The following VPS29 variants were observed in gnomAD, a reference collection of about 807,000 sequenced individuals.
The protein encoded by VPS29 is VPS29 retromer complex component, also known as vacuolar protein sorting-associated protein 29.
Under a neutral mutation model 20.0 loss-of-function variants are expected in VPS29, and 2 were observed. The ratio of observed to expected loss-of-function variants is 0.10; its 90% CI spans 0.04 to 0.31. The LOEUF (loss-of-function observed/expected upper bound fraction) is 0.31, where lower values mean the gene tolerates loss of function less well. Among genes scored for constraint, VPS29 ranks in the 10% least tolerant of loss-of-function variants. The pLI, the probability that VPS29 is intolerant of heterozygous loss-of-function variation, is 1.00. For synonymous variants in VPS29, 81 were observed against 79.3 expected (o/e 1.02, Z -0.12); for missense variants, 120 against 215.3 (o/e 0.56, Z 2.77).
intron 1 of VPS29, chr12:110,497,112 G>A (rs974613207): frequency 2.0e-5 from 3 of 150,934 alleles, no homozygotes; most frequent in African/African-American, 4.9e-5. Flanking sequence ...GTTTAGAGCT[G>A]CAACATAGTC....
intron 2 of VPS29, among the ~76,000 whole-genome samples, chr12:110,495,203 A>C (rs1210455389): frequency 6.6e-6 from 1 of 152,204 alleles, no homozygotes; most frequent in African/African-American, 2.4e-5. Flanking sequence ...CATGCCCTAT[A>C]AAGTCAGCCT....
intron 2 of VPS29, among the ~76,000 whole-genome samples, chr12:110,494,322 G>A (rs1369562473): frequency 3.5e-5 from 5 of 144,908 alleles, no homozygotes; most frequent in Non-Finnish European, 6.0e-5. Context: ...GCGCGATCTC[G>A]GCTCACTGCA....
intron 1 of VPS29, 21 bp downstream of exon 1, chr12:110,502,028 C>G: frequency 6.2e-7 from 1 of 1,613,152 alleles, no homozygotes; most frequent in African/African-American, 1.3e-5. Flanking sequence ...AGGCCTTGGT[C>G]GCCGCAACTG....
rs371686077 is a variant in VPS29 at position 110,493,088 on chromosome 12, C to T, written c.339G>A (p.Ser113=). ...ATGCTTCAAATTTGTGTGTGTGTCC[C>T]GAGATAAGAATGTCCACATCAAATT... ...QRQFDVDILI[S]GHTHKFEAFE... Residue 113 remains serine, a synonymous_variant, in exon 3 of 4, where the codon TCG becomes TCA. Transcript: ENST00000549578. 6.2e-5 allele frequency: 100 copies of T among 1,613,836 alleles called. No homozygotes were observed. Among genetic ancestry groups the T allele is most frequent in the African/African-American group, 2.4e-4 (18 of 74,868 alleles).
intron 3 of VPS29, chr12:110,492,778 C>T (rs2062838809): frequency 6.7e-6 from 3 of 450,020 alleles, no homozygotes; most frequent in South Asian, 2.8e-5. Flanking sequence ...TGCACCACCA[C>T]ACCCAGCTAA....
intron 1 of VPS29, among the ~76,000 whole-genome samples, chr12:110,498,618 T>G (rs1348791699): frequency 6.6e-6 from 1 of 152,218 alleles, no homozygotes; most frequent in African/African-American, 2.4e-5. Flanking sequence ...TAGTTTGTAA[T>G]CTCAAAGTAA....
chr12:110,495,431 CTGAG>C (rs1158452559), intron 2 of VPS29, among the ~76,000 whole-genome samples: 1 of 152,124 alleles, frequency 6.6e-6, no homozygotes, highest in Non-Finnish European at 1.5e-5. Flanking sequence ...ATAAACTTGG[CTGAG>C]TGTGGTGGCT....
intron 1 of VPS29, among the ~76,000 whole-genome samples, chr12:110,498,640 G>A (rs1260151111): frequency 6.6e-6 from 1 of 152,216 alleles, no homozygotes; most frequent in Non-Finnish European, 1.5e-5. Flanking sequence ...ACAAGGTTAT[G>A]AAATTAGCAC....
At chr12:110,500,228 T>A (rs1157115983) in intron 1 of VPS29, among the ~76,000 whole-genome samples, 3 of 152,220 alleles carry the variant, frequency 2.0e-5, no homozygotes, top group Non-Finnish European at 1.5e-5. Context: ...CTCTGGACAC[T>A]GTACTGAGTG....
rs2062824997 is a variant in VPS29 at position 110,492,072 on chromosome 12, A to C, written c.482T>G (p.Val161Gly). 6.2e-7 allele frequency: 1 copy of C among 1,613,780 alleles called. No homozygotes were observed. The highest frequency in any genetic ancestry group is 8.5e-7 in the Non-Finnish European group (1 of 1,179,998). The stretch of plus-strand genomic sequence containing the variant: ...TCCAATTAGCTGATACACATAGGTG[A>C]CCACTGTAGAAGCCTGGATATCCAT... Reference protein sequence around the residue: ...VLMDIQASTVVTYVYQLIGDD... With the variant: ...VLMDIQASTVGTYVYQLIGDD... The change falls in exon 4 of 4, where the codon GTC (valine) becomes GGC (glycine). Residue 161 changes from valine to glycine, a missense_variant. By Grantham distance (109) the Val-to-Gly change is moderately radical. Coordinates refer to ENST00000549578, the MANE Select transcript of VPS29 (RefSeq NM_016226.5).
intron 1 of VPS29, chr12:110,501,453 TC>T: frequency 6.5e-7 from 1 of 1,535,418 alleles, no homozygotes. Flanking sequence ...AAGAAACAGT[TC>T]CAGCAATTGC....
Position 110,493,145 on chromosome 12 carries a change from T to G in VPS29, c.282A>C (p.Gly94=). 1 of 1,613,352 alleles carries G rather than the reference T, an allele frequency of 6.2e-7. No homozygotes were observed. Among genetic ancestry groups the G allele is most frequent in the South Asian group, 1.1e-5 (1 of 90,886 alleles). Residue 94 remains glycine, a synonymous_variant, in exon 3 of 4, where the codon GGA becomes GGC. Coordinates refer to ENST00000549578, the MANE Select transcript of VPS29 (RefSeq NM_016226.5). ...LIHGHQVIPW[G]DMASLALLQR... ...GCAACAGGGCTAAGCTGGCCATATC[T>G]CCCCATGGAATAACTTGATGTCCAT...
chr12:110,501,926 TG>T (rs766059724), intron 1 of VPS29, 122 bp downstream of exon 1: 2 of 1,596,908 alleles, frequency 1.3e-6, no homozygotes, highest in African/African-American at 1.3e-5. Context: ...GGCCAGCGCC[TG>T]GGCCCTGACG....
Position 110,497,533 on chromosome 12 carries a change from A to G in VPS29, c.4-1330T>C, listed in dbSNP as rs1419886939. On this transcript the variant is annotated intron_variant, in intron 1 of 3. Coordinates refer to ENST00000549578, the MANE Select transcript of VPS29 (RefSeq NM_016226.5). ...CGCCTGGCCTAATTTAAAAATTTCA[A>G]GATTTGAGAAACAACATTAATTTAG... is the stretch of plus-strand genomic sequence containing the variant. Among the ~76,000 whole-genome samples, 5 of 152,110 alleles carry G rather than the reference A, an allele frequency of 3.3e-5. No individual in the cohort carries two copies. The South Asian group carries it at 8.3e-4, about 25-fold the overall frequency.
intron 2 of VPS29, among the ~76,000 whole-genome samples, chr12:110,494,544 G>A (rs1364690433): frequency 6.6e-6 from 1 of 151,546 alleles, no homozygotes; most frequent in African/African-American, 2.4e-5. Context: ...GTGAGCCACC[G>A]CACCCGGCCT....
chr12:110,501,765 G>C, intron 1 of VPS29: 2 of 1,083,254 alleles, frequency 1.8e-6, no homozygotes, highest in South Asian at 2.7e-5. Flanking sequence ...GCTCGGGCGT[G>C]CGTGTCTCGT....
chr12:110,501,928 G>A, intron 1 of VPS29, 121 bp downstream of exon 1: 1 of 1,598,404 alleles, frequency 6.3e-7, no homozygotes, highest in Non-Finnish European at 8.5e-7. Context: ...CCAGCGCCTG[G>A]GCCCTGACGC....
At chr12:110,493,505 A>G (rs181240203) in intron 2 of VPS29, among the ~76,000 whole-genome samples, 2 of 151,866 alleles carry the variant, frequency 1.3e-5, no homozygotes, top group African/African-American at 4.8e-5. Flanking sequence ...GATTACAGGC[A>G]CCCGCCACCA....
At chr12:110,492,680 G>A (rs1055241921) in intron 3 of VPS29, among the ~76,000 whole-genome samples, 8 of 150,164 alleles carry the variant, frequency 5.3e-5, no homozygotes, top group African/African-American at 2.0e-4. Context: ...GGAGTACAGA[G>A]CCTCAAACGT....
Sources: gnomAD v4.1 joint callset for allele counts (sites outside exome capture counted in the v4.1 genomes callset) on GRCh38, gnomAD v4.1.1 for gene constraint, MANE v1.5 for transcripts, NCBI Gene and HGNC (gene_info 2026-07-23, HGNC 2026-07-21) for gene names.